The following EML1 variants were observed in gnomAD, a reference collection of about 807,000 sequenced individuals.
EML1 encodes the protein echinoderm microtubule-associated protein-like 1.
In EML1, 27 loss-of-function variants were observed where a neutral mutation model predicts 110.4. The observed-to-expected ratio is 0.24, with a 90% CI of 0.18 to 0.34. The LOEUF is 0.34. EML1 is among the 10% of genes least tolerant of loss of function. EML1 has a pLI of 1.00. For missense variants in EML1, 741 were observed against 1,030.9 expected (o/e 0.72, Z 3.85); for synonymous variants, 344 against 385.8 (o/e 0.89, Z 1.27).
intron 4 of EML1, among the ~76,000 whole-genome samples, chr14:99,882,221 C>T (rs1276284891): frequency 6.6e-6 from 1 of 152,190 alleles, no homozygotes; most frequent in East Asian, 1.9e-4. Context: ...GCAATAACAT[C>T]GTGATGGAAG....
upstream of EML1, among the ~76,000 whole-genome samples, chr14:99,771,961 A>C (rs751076783): frequency 2.0e-5 from 3 of 152,200 alleles, no homozygotes; most frequent in Non-Finnish European, 4.4e-5. Flanking sequence ...TTGTTATAAC[A>C]GCTGCTTTAA....
At chr14:99,875,413 T>G (rs1027811391) in intron 3 of EML1, among the ~76,000 whole-genome samples, 1 of 152,256 alleles carries the variant, frequency 6.6e-6, no homozygotes, top group Admixed American at 6.5e-5. Context: ...ACGTTAACTG[T>G]GGCTGCTGCT....
chr14:99,793,602 G>A, intron 1 of EML1, 59 bp downstream of exon 1: 3 of 986,886 alleles, frequency 3.0e-6, no homozygotes, highest in Non-Finnish European at 3.6e-6. Context: ...CGGCGGCGAC[G>A]GCGACGGCGG....
chr14:99,787,765 C>G (rs764557618), intron 1 of EML1, among the ~76,000 whole-genome samples: 2 of 151,638 alleles, frequency 1.3e-5, no homozygotes, highest in African/African-American at 4.9e-5. Context: ...AGGTGGCCAT[C>G]TCCTCCCTGT....
At chr14:99,870,929 T>A (rs1228889905) in intron 3 of EML1, among the ~76,000 whole-genome samples, 1 of 152,180 alleles carries the variant, frequency 6.6e-6, no homozygotes, top group Non-Finnish European at 1.5e-5. Context: ...CAAGGAGTAA[T>A]TTCAACTGTC....
chr14:99,816,255 C>A (rs1015423620), intron 1 of EML1, among the ~76,000 whole-genome samples: 1 of 152,196 alleles, frequency 6.6e-6, no homozygotes, highest in Non-Finnish European at 1.5e-5. Context: ...CCTCCACCTC[C>A]TGGGCTCAAG....
chr14:99,808,521 G>A (rs1386808238), intron 1 of EML1, among the ~76,000 whole-genome samples: 2 of 151,952 alleles, frequency 1.3e-5, no homozygotes, highest in East Asian at 1.9e-4. Context: ...CAGCATTCAT[G>A]GATCACATAT....
At chr14:99,765,496 T>C (rs928811372) in intron 1 of EML1, among the ~76,000 whole-genome samples, 1 of 152,186 alleles carries the variant, frequency 6.6e-6, no homozygotes, top group South Asian at 2.1e-4. Flanking sequence ...TTATTTCCGG[T>C]TTATTTCATT....
At chr14:99,865,239 A>G (rs976045848) in intron 2 of EML1, among the ~76,000 whole-genome samples, 7 of 152,178 alleles carry the variant, frequency 4.6e-5, no homozygotes, top group Non-Finnish European at 8.8e-5. Flanking sequence ...GATTCTCATA[A>G]GGAATGCTCA....
chr14:99,920,905 A>AT (rs34263849), intron 17 of EML1, 28 bp downstream of exon 17: 1,010,654 of 1,566,756 alleles, frequency 0.65, 327,563 homozygotes, highest in African/African-American at 0.68. Flanking sequence ...TCACTACTTT[A>AT]TTTTTTTAAT....
At chr14:99,750,381 C>T (rs10141887) in intron 1 of EML1, among the ~76,000 whole-genome samples, 79,238 of 152,010 alleles carry the variant, frequency 0.52, 23,074 homozygotes, top group Middle Eastern at 0.65. Flanking sequence ...CAGGCTGTTT[C>T]TGGGCCCTGC....
At chr14:99,863,163 T>C (rs1204382056) in intron 2 of EML1, among the ~76,000 whole-genome samples, 1 of 152,238 alleles carries the variant, frequency 6.6e-6, no homozygotes, top group Admixed American at 6.5e-5. Flanking sequence ...TTCAGAATTG[T>C]TAGCCTCCAC....
At chr14:99,837,233 T>A (rs751075041) in intron 1 of EML1, among the ~76,000 whole-genome samples, 17 of 152,182 alleles carry the variant, frequency 1.1e-4, no homozygotes, top group African/African-American at 4.1e-4. Context: ...ACTCAGGCTT[T>A]ACCTGGGTTC....
intron 17 of EML1, among the ~76,000 whole-genome samples, chr14:99,923,003 G>A (rs557602292): frequency 6.6e-6 from 1 of 152,154 alleles, no homozygotes; most frequent in Non-Finnish European, 1.5e-5. Context: ...GAGTGCACTG[G>A]CATGATCATG....
chr14:99,811,245 A>T (rs972440708), intron 1 of EML1, among the ~76,000 whole-genome samples: 12 of 150,658 alleles, frequency 8.0e-5, no homozygotes, highest in Non-Finnish European at 1.5e-4. Flanking sequence ...GCAGTGGTTG[A>T]TCACAGCTCA....
rs753487629 is a variant in EML1 at position 99,887,081 on chromosome 14, C to G, written c.519-4118C>G. On this transcript the variant is annotated intron_variant, in intron 4 of 21. Transcript: ENST00000262233. ...TGCTGTCTGTTGGTTGACTGCACTGCTGTCTGTTGGTGTGAGTTTTTCCTT... is the reference window on the plus strand; with the variant it reads ...TGCTGTCTGTTGGTTGACTGCACTGGTGTCTGTTGGTGTGAGTTTTTCCTT... Among the ~76,000 whole-genome samples, 7 of 152,312 alleles carry G rather than the reference C, an allele frequency of 4.6e-5. No homozygotes were observed. The South Asian group carries it at 1.5e-3, about 32-fold the overall frequency.
chr14:99,765,863 C>G (rs951905411), intron 1 of EML1, among the ~76,000 whole-genome samples: 1 of 152,112 alleles, frequency 6.6e-6, no homozygotes, highest in African/African-American at 2.4e-5. Context: ...CTTGGCCTCC[C>G]AAAGTGCTGG....
intron 1 of EML1, among the ~76,000 whole-genome samples, chr14:99,761,877 A>G (rs2057317138): frequency 6.7e-6 from 1 of 149,578 alleles, no homozygotes; most frequent in African/African-American, 2.5e-5. Flanking sequence ...GTGAGCTGAG[A>G]TCACGCCACT....
At chr14:99,868,926 A>T (rs911523486) in intron 3 of EML1, among the ~76,000 whole-genome samples, 1 of 152,058 alleles carries the variant, frequency 6.6e-6, no homozygotes, top group Non-Finnish European at 1.5e-5. Flanking sequence ...TCTTCTTTTT[A>T]TGAAAACTTT....
Sources: gnomAD v4.1 joint callset for allele counts (sites outside exome capture counted in the v4.1 genomes callset) on GRCh38, gnomAD v4.1.1 for gene constraint, MANE v1.5 for transcripts, NCBI Gene and HGNC (gene_info 2026-07-23, HGNC 2026-07-21) for gene names.